Variants in PLAAT1 observed in about 807,000 individuals in gnomAD.
PLAAT1 encodes the protein H-REV107 protein-related protein.
PLAAT1 carries 13 observed loss-of-function variants against 16.4 expected under a neutral mutation model. The observed-to-expected ratio is 0.79, with a 90% CI of 0.52 to 1.26. PLAAT1 has a LOEUF of 1.26. Ranked by LOEUF, PLAAT1 falls within the 50% of genes most tolerant of loss-of-function variation. The pLI, the probability that PLAAT1 is intolerant of heterozygous loss-of-function variation, is 0.00. For synonymous variants in PLAAT1, 73 were observed against 78.4 expected (o/e 0.93, Z 0.36); for missense variants, 218 against 207.8 (o/e 1.05, Z -0.30).
chr3:193,262,665 T>G (rs186346637), intron 2 of PLAAT1, among the ~76,000 whole-genome samples: 1 of 152,308 alleles, frequency 6.6e-6, no homozygotes, highest in Non-Finnish European at 1.5e-5. Context: ...TCTAATAATA[T>G]AATACCAATC....
chr3:193,263,615 C>T (rs1294598975), intron 3 of PLAAT1, among the ~76,000 whole-genome samples: 1 of 152,164 alleles, frequency 6.6e-6, no homozygotes. Context: ...TTACCAGTAT[C>T]ACAAATGGTT....
downstream of PLAAT1, chr3:193,275,297 G>A (rs1717140912): frequency 1.2e-6 from 2 of 1,612,162 alleles, no homozygotes; most frequent in Admixed American, 1.7e-5. Flanking sequence ...TTTGAAGGAT[G>A]GAATCCTGAA....
intron 2 of PLAAT1, among the ~76,000 whole-genome samples, chr3:193,261,396 T>A (rs913146031): frequency 2.6e-5 from 4 of 151,838 alleles, no homozygotes. Flanking sequence ...AGATAACAAA[T>A]AAATAACCTG....
At chr3:193,271,774 G>C (rs954886343), downstream of PLAAT1, among the ~76,000 whole-genome samples, 26 of 152,214 alleles carry the variant, frequency 1.7e-4, no homozygotes, top group African/African-American at 5.8e-4. Context: ...TAGGAATACA[G>C]TACATAATGT....
At chr3:193,249,188 C>A (rs926698849) in intron 1 of PLAAT1, among the ~76,000 whole-genome samples, 2 of 151,886 alleles carry the variant, frequency 1.3e-5, no homozygotes, top group Non-Finnish European at 2.9e-5. Context: ...GATGGGGGTC[C>A]CCTTTTATGT....
chr3:193,240,896 C>G (rs1715694782), upstream of PLAAT1, among the ~76,000 whole-genome samples: 1 of 151,992 alleles, frequency 6.6e-6, no homozygotes, highest in Non-Finnish European at 1.5e-5. Context: ...TGGGTGTACC[C>G]GAACATTCCT....
At chr3:193,265,896 CTTT>C (rs1456643295) in intron 3 of PLAAT1, among the ~76,000 whole-genome samples, 1 of 151,750 alleles carries the variant, frequency 6.6e-6, no homozygotes, top group East Asian at 1.9e-4. Context: ...TCCTCTTCTT[CTTT>C]GTTAATGACA....
At chr3:193,280,304 G>A (rs557798566), downstream of PLAAT1, among the ~76,000 whole-genome samples, 19 of 152,096 alleles carry the variant, frequency 1.2e-4, no homozygotes, top group Non-Finnish European at 2.4e-4. Context: ...CACCCGCCTC[G>A]GCCTCCCAAA....
intron 2 of PLAAT1, chr3:193,276,881 A>G (rs779171691): frequency 2.4e-6 from 3 of 1,260,898 alleles, no homozygotes; most frequent in Admixed American, 2.0e-5. Flanking sequence ...CACACTTTGA[A>G]AAAAGACCAT....
intron 1 of PLAAT1, among the ~76,000 whole-genome samples, chr3:193,248,298 A>C (rs1220260301): frequency 6.6e-6 from 1 of 151,858 alleles, no homozygotes; most frequent in East Asian, 1.9e-4. Context: ...GTGTTCTTAA[A>C]GGTTAAGAGA....
downstream of PLAAT1, among the ~76,000 whole-genome samples, chr3:193,274,466 A>C (rs1717094399): frequency 6.6e-6 from 1 of 152,198 alleles, no homozygotes; most frequent in Non-Finnish European, 1.5e-5. Context: ...GGAATTAACA[A>C]ACATCTCCTT....
At chr3:193,276,295 A>C (rs1424845286) in intron 2 of PLAAT1, among the ~76,000 whole-genome samples, 2 of 152,232 alleles carry the variant, frequency 1.3e-5, no homozygotes, top group Non-Finnish European at 2.9e-5. Context: ...TGAGTAGAAA[A>C]GAAACACCGT....
At chr3:193,260,940 C>T (rs1716562359) in intron 2 of PLAAT1, among the ~76,000 whole-genome samples, 1 of 152,168 alleles carries the variant, frequency 6.6e-6, no homozygotes, top group African/African-American at 2.4e-5. Flanking sequence ...GACATAGAAT[C>T]AGTCTTATTC....
chr3:193,278,355 C>T (rs568517985), downstream of PLAAT1, among the ~76,000 whole-genome samples: 61 of 152,326 alleles, frequency 4.0e-4, no homozygotes, highest in African/African-American at 1.4e-3. Context: ...GCTTCATTCA[C>T]TCCATGTTGC....
At chr3:193,244,158 A>G (rs964340852) in intron 1 of PLAAT1, among the ~76,000 whole-genome samples, 4 of 151,848 alleles carry the variant, frequency 2.6e-5, no homozygotes, top group Non-Finnish European at 4.4e-5. Context: ...GGTTGTTTCC[A>G]CTTTTGGGAT....
downstream of PLAAT1, chr3:193,279,472 A>G (rs777391248): frequency 6.3e-7 from 1 of 1,593,556 alleles, no homozygotes; most frequent in Non-Finnish European, 8.6e-7. Context: ...AATACCAAAC[A>G]TTATTTTTAG....
At chr3:193,247,615 C>G (rs961656589) in intron 1 of PLAAT1, among the ~76,000 whole-genome samples, 4 of 152,160 alleles carry the variant, frequency 2.6e-5, no homozygotes, top group Non-Finnish European at 2.9e-5. Flanking sequence ...AGTAAAAAAT[C>G]CTGCATCAAT....
intron 3 of PLAAT1, among the ~76,000 whole-genome samples, chr3:193,266,938 A>G (rs1278022161): frequency 6.6e-6 from 1 of 152,132 alleles, no homozygotes; most frequent in African/African-American, 2.4e-5. Context: ...GGGAATGGCT[A>G]TGTATTTCCC....
upstream of PLAAT1, among the ~76,000 whole-genome samples, chr3:193,240,608 G>A (rs1169476472): frequency 8.7e-5 from 13 of 148,828 alleles, no homozygotes; most frequent in Non-Finnish European, 1.8e-4. Context: ...GGGGGGCCGG[G>A]GGAGGGGGGC....
Sources: allele counts gnomAD v4.1 joint callset (sites outside exome capture counted in the v4.1 genomes callset), GRCh38; gene constraint gnomAD v4.1.1; transcripts MANE v1.5; gene names NCBI Gene and HGNC (gene_info 2026-07-23, HGNC 2026-07-21).